Variants in FAM151B observed in about 807,000 individuals in gnomAD.
The protein encoded by FAM151B is protein FAM151B.
A neutral mutation model predicts 31.2 loss-of-function variants in FAM151B; 24 were observed. That is an observed-to-expected ratio of 0.77 (90% CI 0.56 to 1.08). The LOEUF is 1.08. FAM151B is among the 50% of genes least tolerant of loss of function. The pLI is 0.00. For synonymous variants in FAM151B, 105 were observed against 111.4 expected (o/e 0.94, Z 0.36); for missense variants, 293 against 328.6 (o/e 0.89, Z 0.84).
At chr5:80,537,074 C>T (rs1745548913) in intron 5 of FAM151B, among the ~76,000 whole-genome samples, 1 of 152,128 alleles carries the variant, frequency 6.6e-6, no homozygotes, top group Admixed American at 6.5e-5. Context: ...GATAAATACC[C>T]GAGGGGTGGG....
intron 2 of FAM151B, among the ~76,000 whole-genome samples, chr5:80,505,391 G>A (rs10070176): frequency 0.066 from 9,673 of 146,058 alleles, 439 homozygotes; most frequent in Non-Finnish European, 0.1. Flanking sequence ...CATCCATTGA[G>A]TTCTTTTTTT....
At position 80,532,212 on chromosome 5, in the gene FAM151B, C is replaced by A. The variant is rs1745274456; in HGVS notation, c.672-9461C>A. ...GGGTGGGGAACATCCCACACCGGGG[C>A]CTGTTGTGGGGTGGGGGGAGGGGGG... On this transcript the variant is annotated intron_variant, in intron 5 of 5. Transcript: ENST00000282226. Among the ~76,000 whole-genome samples, 3 of 112,702 alleles carry A rather than the reference C, an allele frequency of 2.7e-5. No individual in the cohort carries two copies. In the South Asian group the frequency reaches 8.4e-4, roughly 32 times the overall value. The allele number at this position is 112,702 out of a possible 152,430, so 73.9% of individuals were successfully genotyped here.
At chr5:80,521,143 A>T in intron 4 of FAM151B, among the ~76,000 whole-genome samples, 3 of 61,916 alleles carry the variant, frequency 4.8e-5, no homozygotes, top group Admixed American at 4.2e-4. Flanking sequence ...TTTTTTTTTA[A>T]AAAACAGGGT....
intron 4 of FAM151B, 70 bp from the exon 5 acceptor site, chr5:80,521,933 T>A: frequency 8.6e-7 from 1 of 1,166,862 alleles, no homozygotes; most frequent in South Asian, 1.8e-5. Flanking sequence ...TTATAGGTAA[T>A]TTAGTCTTTT....
intron 5 of FAM151B, among the ~76,000 whole-genome samples, chr5:80,528,209 G>A (rs1745057891): frequency 6.6e-6 from 1 of 151,920 alleles, no homozygotes; most frequent in African/African-American, 2.4e-5. Flanking sequence ...AAACCATACA[G>A]TGGATACACA....
chr5:80,529,163 G>A (rs1561377465), intron 5 of FAM151B, among the ~76,000 whole-genome samples: 2 of 152,160 alleles, frequency 1.3e-5, no homozygotes, highest in African/African-American at 4.8e-5. Flanking sequence ...AATGAAGGCA[G>A]AAATAAAGAT....
chr5:80,523,822 C>T (rs1308039170), intron 5 of FAM151B, among the ~76,000 whole-genome samples: 1 of 152,090 alleles, frequency 6.6e-6, no homozygotes, highest in Non-Finnish European at 1.5e-5. Flanking sequence ...TGGCTGCTAG[C>T]ATTATGCTTA....
chr5:80,517,837 C>T (rs568382411), intron 3 of FAM151B, among the ~76,000 whole-genome samples: 2 of 152,016 alleles, frequency 1.3e-5, no homozygotes, highest in South Asian at 2.1e-4. Context: ...TTTGGGAGGC[C>T]GAGGCAGGTG....
At chr5:80,523,614 C>A (rs1362671463) in intron 5 of FAM151B, among the ~76,000 whole-genome samples, 1 of 152,104 alleles carries the variant, frequency 6.6e-6, no homozygotes, top group Non-Finnish European at 1.5e-5. Flanking sequence ...TTATGGTACA[C>A]CCATATGATG....
At chr5:80,504,823 C>T (rs1287613662) in intron 2 of FAM151B, among the ~76,000 whole-genome samples, 5 of 152,006 alleles carry the variant, frequency 3.3e-5, no homozygotes, top group Non-Finnish European at 1.5e-5. Flanking sequence ...AGATTCCAAG[C>T]TTTTGTGCCC....
intron 5 of FAM151B, among the ~76,000 whole-genome samples, chr5:80,523,971 A>G (rs1453587294): frequency 6.6e-6 from 1 of 152,102 alleles, no homozygotes; most frequent in African/African-American, 2.4e-5. Context: ...TTTATTTATT[A>G]ACTCTGCCTC....
Position 80,488,148 on chromosome 5 carries a change from G to A in FAM151B, c.25G>A (p.Gly9Arg). 6.5e-7 allele frequency: 1 copy of A among 1,542,034 alleles called. No individual in the cohort carries two copies. The highest frequency in any genetic ancestry group is 8.7e-7 in the Non-Finnish European group (1 of 1,146,326). ...CATGGCAGCATCCGCTGGAGGCCCA[G>A]GTAAGCGCCGAGCGCGCGGCCTCTG... is the stretch of plus-strand genomic sequence containing the variant. MAASAGGP[G>R]SWSENILEYF... The change falls in exon 1 of 6, where the codon GGA (glycine) becomes AGA (arginine). Residue 9 changes from glycine (G) to arginine (R), a missense_variant and splice_region_variant. Gly to Arg is a moderately radical substitution (Grantham distance 125, BLOSUM62 -2). Transcript: ENST00000282226.
chr5:80,520,759 A>G (rs1744669805), intron 4 of FAM151B, among the ~76,000 whole-genome samples: 1 of 148,212 alleles, frequency 6.7e-6, no homozygotes, highest in Non-Finnish European at 1.5e-5. Context: ...CTATATATAC[A>G]TAGATACTTT....
chr5:80,520,811 TG>T (rs1744672394), intron 4 of FAM151B, among the ~76,000 whole-genome samples: 1 of 148,188 alleles, frequency 6.7e-6, no homozygotes, highest in South Asian at 2.1e-4. Flanking sequence ...GTTTTCCATG[TG>T]GTTTTTTTTT....
Position 80,513,771 on chromosome 5 carries a change from T to G in FAM151B, c.317+2T>G. 6.2e-7 allele frequency: 1 copy of G among 1,608,080 alleles called. No individual in the cohort carries two copies. Among genetic ancestry groups the G allele is most frequent in the Non-Finnish European group, 8.5e-7 (1 of 1,178,232 alleles). ...AGGCATCAAGCTGGATTTCAAAAGG[T>G]ATTTGTATAAACACGTTCAATTTTC... is the stretch of plus-strand genomic sequence containing the variant. On this transcript the variant is annotated splice_donor_variant, in intron 3 of 5. Coordinates refer to ENST00000282226, the MANE Select transcript of FAM151B (RefSeq NM_205548.3). LOFTEE classifies it high-confidence loss of function.
intron 5 of FAM151B, among the ~76,000 whole-genome samples, chr5:80,538,448 C>CTTTCTCTTTCTTTGTTTCTTTCTTTCTT (rs1235874356): frequency 2.0e-5 from 1 of 49,348 alleles, no homozygotes; most frequent in African/African-American, 9.8e-5. Flanking sequence ...TTCTTTCTTT[C>CTTTCTCTTTCTTTGTTTCTTTCTTTCTT]TCTTTCTTTC....
chr5:80,493,015 G>A lies in FAM151B; in HGVS notation c.25+4867G>A, dbSNP rs79055267. Among the ~76,000 whole-genome samples, 1,394 of 152,232 alleles carry A rather than the reference G, an allele frequency of 9.2e-3. 26 individuals are homozygous for A. The highest frequency in any genetic ancestry group is 0.032 in the African/African-American group (1,325 of 41,522). On this transcript the variant is annotated intron_variant, in intron 1 of 5. Transcript: ENST00000282226. ...TTAAGCTTAGTGAGAAAAGCATTTC[G>A]AAAGCTGAGAGAGGCCTCTTGTGCC...
At chr5:80,503,189 T>A (rs1743813289) in intron 2 of FAM151B, among the ~76,000 whole-genome samples, 1 of 152,186 alleles carries the variant, frequency 6.6e-6, no homozygotes, top group African/African-American at 2.4e-5. Flanking sequence ...AAATAAAACC[T>A]TTATTCACAG....
intron 5 of FAM151B, among the ~76,000 whole-genome samples, chr5:80,538,452 T>TTCTCTCTCTCTCTCTCTC: frequency 2.0e-5 from 1 of 49,550 alleles, no homozygotes; most frequent in African/African-American, 7.1e-5. Context: ...TTCTTTCTCT[T>TTCTCTCTCTCTCTCTCTC]TCTTTCTTTC....
Sources: gnomAD v4.1 joint callset for allele counts (sites outside exome capture counted in the v4.1 genomes callset) on GRCh38, gnomAD v4.1.1 for gene constraint, MANE v1.5 for transcripts, NCBI Gene and HGNC (gene_info 2026-07-23, HGNC 2026-07-21) for gene names.